The following ENTREP2 variants were observed in gnomAD, a reference collection of about 807,000 sequenced individuals.
ENTREP2 encodes protein ENTREP2.
chr15:29,120,913 A>C, the ENTREP2 span: 1 of 152,256 alleles, frequency 6.6e-6, no homozygotes, highest in Admixed American at 6.5e-5. Flanking sequence ...TTGCCAGCAC[A>C]TTCCCTAGTC....
the ENTREP2 span, among the ~76,000 whole-genome samples, chr15:29,478,019 ATTTT>A: frequency 5.5e-5 from 3 of 54,280 alleles, no homozygotes; most frequent in East Asian, 6.0e-4. Flanking sequence ...ATATATATAT[ATTTT>A]TTTTTTTTTT....
the ENTREP2 span, among the ~76,000 whole-genome samples, chr15:29,198,486 G>A: frequency 6.6e-6 from 1 of 152,150 alleles, no homozygotes; most frequent in Non-Finnish European, 1.5e-5. Context: ...TGCTAATGTT[G>A]GACTTAGACA....
the ENTREP2 span, among the ~76,000 whole-genome samples, chr15:29,131,175 G>A: frequency 2.0e-5 from 3 of 152,178 alleles, no homozygotes; most frequent in Non-Finnish European, 2.9e-5. Context: ...TTTATGAAGA[G>A]CTCTTCGTTT....
the ENTREP2 span, among the ~76,000 whole-genome samples, chr15:29,658,129 G>T: frequency 4.6e-5 from 7 of 151,928 alleles, no homozygotes; most frequent in Non-Finnish European, 1.0e-4. Context: ...CACATGTCTT[G>T]GGGGGGACCA....
chr15:29,650,878 G>A, the ENTREP2 span, among the ~76,000 whole-genome samples: 2 of 152,198 alleles, frequency 1.3e-5, no homozygotes, highest in Admixed American at 1.3e-4. Flanking sequence ...CATTAGCCAG[G>A]GATGATATGC....
chr15:29,234,876 T>C, the ENTREP2 span: 1 of 1,474,798 alleles, frequency 6.8e-7, no homozygotes, highest in Non-Finnish European at 9.5e-7. Flanking sequence ...GAACGAATTG[T>C]TGTCAAAACC....
chr15:29,276,195 CT>C, the ENTREP2 span, among the ~76,000 whole-genome samples: 1 of 152,188 alleles, frequency 6.6e-6, no homozygotes, highest in African/African-American at 2.4e-5. Flanking sequence ...CAAGATAGTG[CT>C]TTCCAAGCAT....
chr15:29,340,709 G>C, the ENTREP2 span, among the ~76,000 whole-genome samples: 6 of 152,148 alleles, frequency 3.9e-5, no homozygotes, highest in Non-Finnish European at 1.5e-5. Flanking sequence ...TAGCATGACT[G>C]TTACTAATAC....
the ENTREP2 span, among the ~76,000 whole-genome samples, chr15:29,662,727 T>C: frequency 3.3e-5 from 5 of 152,122 alleles, no homozygotes; most frequent in Non-Finnish European, 7.4e-5. Flanking sequence ...TTTTCTTTTT[T>C]TTCTTTTTTT....
the ENTREP2 span, among the ~76,000 whole-genome samples, chr15:29,453,699 A>G: frequency 6.6e-6 from 1 of 152,206 alleles, no homozygotes. Context: ...TAATATTTTG[A>G]TGTGTTTCCA....
At chr15:29,431,244 A>C in the ENTREP2 span, among the ~76,000 whole-genome samples, 5 of 152,258 alleles carry the variant, frequency 3.3e-5, no homozygotes, top group African/African-American at 1.2e-4. Flanking sequence ...CCAGGCCATA[A>C]ATTTCCCTCC....
the ENTREP2 span, among the ~76,000 whole-genome samples, chr15:29,394,880 C>CATTTTTTTTTT: frequency 1.5e-5 from 1 of 68,942 alleles, no homozygotes; most frequent in African/African-American, 5.0e-5. Flanking sequence ...GTGTCAGAAT[C>CATTTTTTTTTT]TCTTTTTTTT....
At chr15:29,353,839 G>A in the ENTREP2 span, among the ~76,000 whole-genome samples, 1 of 152,214 alleles carries the variant, frequency 6.6e-6, no homozygotes, top group South Asian at 2.1e-4. Flanking sequence ...GAGGCACAGA[G>A]AAGTTCAGAA....
the ENTREP2 span, among the ~76,000 whole-genome samples, chr15:29,158,888 A>G: frequency 1.3e-5 from 2 of 152,238 alleles, no homozygotes; most frequent in African/African-American, 4.8e-5. Context: ...TACTTGGGCA[A>G]AGCTACAGTT....
the ENTREP2 span, among the ~76,000 whole-genome samples, chr15:29,338,247 G>A: frequency 1.3e-5 from 2 of 151,684 alleles, no homozygotes; most frequent in Non-Finnish European, 2.9e-5. Context: ...CATATAAGGA[G>A]TGAAGAGGAG....
the ENTREP2 span, among the ~76,000 whole-genome samples, chr15:29,170,673 G>A: frequency 6.6e-6 from 1 of 152,098 alleles, no homozygotes; most frequent in Non-Finnish European, 1.5e-5. Context: ...CACCCCTGCT[G>A]CCCCACACCA....
chr15:29,477,063 A>C, the ENTREP2 span, among the ~76,000 whole-genome samples: 2 of 152,320 alleles, frequency 1.3e-5, no homozygotes, highest in African/African-American at 4.8e-5. Flanking sequence ...CATACAAGAG[A>C]GCACTCTACA....
At chr15:29,290,595 G>T in the ENTREP2 span, among the ~76,000 whole-genome samples, 1 of 152,194 alleles carries the variant, frequency 6.6e-6, no homozygotes, top group Non-Finnish European at 1.5e-5. Flanking sequence ...TGTTATATCC[G>T]TAGGAGCCAG....
chr15:29,564,764 G>T, the ENTREP2 span, among the ~76,000 whole-genome samples: 1 of 152,148 alleles, frequency 6.6e-6, no homozygotes, highest in Non-Finnish European at 1.5e-5. Context: ...CTCTTCTCCA[G>T]GTCCTTCTGA....
Sources: allele counts gnomAD v4.1 joint callset (sites outside exome capture counted in the v4.1 genomes callset), GRCh38; gene constraint gnomAD v4.1.1; transcripts MANE v1.5; gene names NCBI Gene and HGNC (gene_info 2026-07-23, HGNC 2026-07-21).